Variants in GRM8 observed in about 807,000 individuals in gnomAD.
The protein encoded by GRM8 is metabotropic glutamate receptor 8.
Under a neutral mutation model 87.2 loss-of-function variants are expected in GRM8, and 47 were observed. That is an observed-to-expected ratio of 0.54 (90% confidence interval 0.43 to 0.69). The LOEUF (loss-of-function observed/expected upper bound fraction) is 0.69, where lower values mean the gene tolerates loss of function less well. Ranked by LOEUF, GRM8 falls within the 30% of genes least tolerant of loss-of-function variation. The pLI, the probability that GRM8 is intolerant of heterozygous loss-of-function variation, is 0.00. For missense variants in GRM8, 1,019 were observed against 1,139.2 expected (o/e 0.89, Z 1.52); for synonymous variants, 396 against 404.5 (o/e 0.98, Z 0.25).
At chr7:126,926,413 A>G (rs1341875370) in intron 3 of GRM8, among the ~76,000 whole-genome samples, 1 of 152,000 alleles carries the variant, frequency 6.6e-6, no homozygotes, top group East Asian at 1.9e-4. Context: ...ATCCCTCTCA[A>G]GTCTACTCCA....
chr7:126,469,394 C>T (rs1415694606), intron 9 of GRM8, among the ~76,000 whole-genome samples: 2 of 151,820 alleles, frequency 1.3e-5, no homozygotes, highest in South Asian at 2.1e-4. Context: ...AAGTTAACCC[C>T]CATGTTGTCA....
chr7:127,096,278 G>A (rs1310578446), intron 3 of GRM8, among the ~76,000 whole-genome samples: 2 of 151,176 alleles, frequency 1.3e-5, no homozygotes, highest in East Asian at 3.9e-4. Context: ...TACAAATTGA[G>A]GCTGGGTGTG....
chr7:127,035,205 T>C (rs1817741213), intron 3 of GRM8, among the ~76,000 whole-genome samples: 1 of 152,120 alleles, frequency 6.6e-6, no homozygotes, highest in African/African-American at 2.4e-5. Context: ...TGTCAAAACA[T>C]GACAAGATCA....
At chr7:126,548,185 G>C (rs1817379318) in intron 8 of GRM8, among the ~76,000 whole-genome samples, 1 of 152,048 alleles carries the variant, frequency 6.6e-6, no homozygotes, top group Non-Finnish European at 1.5e-5. Flanking sequence ...GGGATGAGGA[G>C]GGATAGCATT....
At chr7:126,878,819 A>G (rs1266310187) in intron 6 of GRM8, among the ~76,000 whole-genome samples, 39 of 151,144 alleles carry the variant, frequency 2.6e-4, no homozygotes, top group Admixed American at 2.6e-3. Context: ...GAGCCACTGC[A>G]CCCAGCCTTG....
intron 2 of GRM8, among the ~76,000 whole-genome samples, chr7:127,195,319 T>C (rs1026535203): frequency 2.0e-5 from 3 of 152,182 alleles, no homozygotes; most frequent in African/African-American, 7.2e-5. Flanking sequence ...GGATCAGTCA[T>C]TCAAAACAAA....
Position 127,100,255 on chromosome 7 carries a change from T to C in GRM8, c.727+6241A>G, listed in dbSNP as rs117894326. 6.9e-4 allele frequency among the ~76,000 whole-genome samples: 105 copies of C among 152,326 alleles called. 1 individual carries two copies. The East Asian group carries it at 0.018, about 27-fold the overall frequency. ...GGAACCCTAGCCCTAACCCCAACCC[T>C]ACTGTGCACGTTCAGCTATGCATTC... On this transcript the variant is annotated intron_variant, in intron 3 of 10. Transcript: ENST00000339582.
intron 3 of GRM8, among the ~76,000 whole-genome samples, chr7:127,083,179 A>G (rs1823058066): frequency 6.6e-6 from 1 of 152,180 alleles, no homozygotes; most frequent in African/African-American, 2.4e-5. Context: ...ATTTTTTAAA[A>G]TATTAGTTCA....
chr7:126,807,274 CAA>C (rs948891402), intron 6 of GRM8, among the ~76,000 whole-genome samples: 4 of 147,750 alleles, frequency 2.7e-5, no homozygotes, highest in African/African-American at 1.0e-4. Context: ...CACAAGTTCA[CAA>C]AAAAAAATAT....
intron 7 of GRM8, among the ~76,000 whole-genome samples, chr7:126,754,012 T>A (rs1313692608): frequency 6.6e-6 from 1 of 151,900 alleles, no homozygotes; most frequent in Admixed American, 6.6e-5. Context: ...ACTTAAAATC[T>A]TAGGGAACCA....
intron 10 of GRM8, among the ~76,000 whole-genome samples, chr7:126,440,904 C>T (rs1272659168): frequency 1.3e-5 from 2 of 151,918 alleles, no homozygotes; most frequent in Non-Finnish European, 2.9e-5. Flanking sequence ...TCAGTAGCCT[C>T]ATTTATAGTA....
At chr7:126,497,174 A>G (rs1321708358) in intron 9 of GRM8, among the ~76,000 whole-genome samples, 1 of 151,930 alleles carries the variant, frequency 6.6e-6, no homozygotes, top group Non-Finnish European at 1.5e-5. Flanking sequence ...CTCCAAAATA[A>G]AAGATGCAGC....
At chr7:126,614,133 G>A (rs962157089) in intron 7 of GRM8, among the ~76,000 whole-genome samples, 4 of 152,152 alleles carry the variant, frequency 2.6e-5, no homozygotes, top group African/African-American at 4.8e-5. Context: ...CTCCCAGTAG[G>A]GGCAGACTAA....
intron 3 of GRM8, among the ~76,000 whole-genome samples, chr7:127,076,598 G>A (rs916611): frequency 0.3 from 45,535 of 151,932 alleles, 7,225 homozygotes; most frequent in Non-Finnish European, 0.36. Context: ...CTCCAATGAC[G>A]ACACCCAGAT....
intron 2 of GRM8, among the ~76,000 whole-genome samples, chr7:127,236,383 T>C (rs1389167142): frequency 6.6e-6 from 1 of 152,190 alleles, no homozygotes; most frequent in African/African-American, 2.4e-5. Flanking sequence ...CGAAAGAGGT[T>C]TAATTGACTC....
At chr7:126,554,504 G>C (rs1453418064) in intron 8 of GRM8, among the ~76,000 whole-genome samples, 1 of 151,974 alleles carries the variant, frequency 6.6e-6, no homozygotes, top group Non-Finnish European at 1.5e-5. Context: ...GAGGTGGAAG[G>C]ATTGCTTGAG....
intron 2 of GRM8, among the ~76,000 whole-genome samples, chr7:127,156,358 G>A (rs777893424): frequency 3.3e-5 from 5 of 152,126 alleles, no homozygotes; most frequent in African/African-American, 4.8e-5. Flanking sequence ...ACCCCTAAAC[G>A]GTTCCTCCAC....
intron 6 of GRM8, among the ~76,000 whole-genome samples, chr7:126,815,230 C>CT (rs1215901281): frequency 6.6e-6 from 1 of 152,072 alleles, no homozygotes; most frequent in Non-Finnish European, 1.5e-5. Flanking sequence ...CACCTCAAGT[C>CT]TTTTTGGTAC....
Position 127,170,193 on chromosome 7 carries a change from T to C in GRM8, c.511-63481A>G, listed in dbSNP as rs147409052. Among the ~76,000 whole-genome samples the C allele has an allele frequency of 1.7e-3, 253 of 152,132 alleles. 3 individuals carry two copies. Among genetic ancestry groups the C allele is most frequent in the African/African-American group, 6.0e-3 (251 of 41,524 alleles). ...CATTTGTGATTCATGGAACAGACAG[T>C]TCTCAAAAGAAGATATACAAACGGC... On this transcript the variant is annotated intron_variant, in intron 2 of 10. Transcript: ENST00000339582.
Sources: gnomAD v4.1 joint callset for allele counts (sites outside exome capture counted in the v4.1 genomes callset) on GRCh38, gnomAD v4.1.1 for gene constraint, MANE v1.5 for transcripts, NCBI Gene and HGNC (gene_info 2026-07-23, HGNC 2026-07-21) for gene names.